Variants in FOXM1 observed in about 807,000 individuals in gnomAD.
The protein encoded by FOXM1 is forkhead box protein M1.
Under a neutral mutation model 63.6 loss-of-function variants are expected in FOXM1, and 25 were observed. The observed-to-expected ratio is 0.39, with a 90% CI of 0.29 to 0.55. The LOEUF (loss-of-function observed/expected upper bound fraction) is 0.55. Among genes scored for constraint, FOXM1 ranks in the 20% least tolerant of loss-of-function variants. The pLI is 0.60. For missense variants in FOXM1, 879 were observed against 958.7 expected (o/e 0.92, Z 1.10); for synonymous variants, 387 against 376.9 (o/e 1.03, Z -0.31).
At chr12:2,868,165 T>C (rs1193620118) in intron 4 of FOXM1, 1 of 155,876 alleles carries the variant, frequency 6.4e-6, no homozygotes, top group Non-Finnish European at 1.4e-5. Context: ...CCCTGCCCAC[T>C]AGAAATGCTA....
intron 3 of FOXM1, among the ~76,000 whole-genome samples, chr12:2,868,971 A>C (rs1220249955): frequency 6.6e-6 from 1 of 152,204 alleles, no homozygotes; most frequent in Non-Finnish European, 1.5e-5. Flanking sequence ...TGGTTTTGTC[A>C]TCCATCATTT....
At chr12:2,867,979 CAAAAAAAA>C (rs60064456) in intron 4 of FOXM1, among the ~76,000 whole-genome samples, 1 of 68,326 alleles carries the variant, frequency 1.5e-5, no homozygotes, top group Non-Finnish European at 2.9e-5. Context: ...GACTCTGTCT[CAAAAAAAA>C]AAAAAAAAAA....
Position 2,858,855 on chromosome 12 carries a change from G to A in FOXM1, c.2075C>T (p.Ser692Phe), listed in dbSNP as rs1401357208. 1.2e-6 allele frequency: 2 copies of A among 1,614,182 alleles called. No individual in the cohort carries two copies. Among genetic ancestry groups the A allele is most frequent in the South Asian group, 2.2e-5 (2 of 91,082 alleles). Residue 692 changes from serine (S) to phenylalanine (F), a missense_variant, in exon 9 of 9, where the codon TCT becomes TTT. This residue lies in a region of FOXM1 where 486 missense variants were observed against 453.5 expected (regional missense o/e 1.07). Coordinates refer to ENST00000359843, the MANE Select transcript of FOXM1 (RefSeq NM_021953.4). Reference protein sequence around the residue: ...LDLISVPFGNSSPSDIDVPKP... With the variant: ...LDLISVPFGNFSPSDIDVPKP... Reference sequence around the variant, plus strand: ...GGGGACGTCTATATCTGAGGGAGAAGAGTTGCCAAAGGGGACGGAGATGAG... The same window carrying A: ...GGGGACGTCTATATCTGAGGGAGAAAAGTTGCCAAAGGGGACGGAGATGAG...
intron 4 of FOXM1, among the ~76,000 whole-genome samples, chr12:2,867,513 T>A (rs1471073458): frequency 1.3e-5 from 2 of 151,960 alleles, no homozygotes; most frequent in Non-Finnish European, 1.5e-5. Context: ...CTACCATGAA[T>A]TAGCCAGGCG....
chr12:2,860,380 G>A (rs2098108749), intron 8 of FOXM1, among the ~76,000 whole-genome samples: 1 of 151,928 alleles, frequency 6.6e-6, no homozygotes, highest in African/African-American at 2.4e-5. Context: ...AGCTACAGGT[G>A]GGAGGCTGAG....
Position 2,858,319 on chromosome 12 carries a change from A to G in FOXM1, c.*319T>C. ...TACTATTTACACGGACCACCCTGCAAAGATCAGGGAAGGTAAGAGACTGCT... is the reference window on the plus strand; with the variant it reads ...TACTATTTACACGGACCACCCTGCAGAGATCAGGGAAGGTAAGAGACTGCT... On this transcript the variant is annotated 3_prime_UTR_variant, in exon 9 of 9. Transcript: ENST00000359843. 3 of 329,266 alleles carry G rather than the reference A, an allele frequency of 9.1e-6. No homozygotes were observed. The South Asian group carries it at 2.1e-4, about 23-fold the overall frequency. 20.4% of individuals were successfully genotyped at this position (329,266 alleles called of 1,614,324 possible). A position where few individuals can be genotyped will look rare whatever the true frequency, so the allele number is the denominator to read the frequency against.
rs757604635 is a variant in FOXM1, at chr12:2,865,414, G to C, written c.976-15C>G. The stretch of plus-strand genomic sequence containing the variant: ...GGGTCCAGTGGCTGGTGGCGGCCAG[G>C]CATTGTGGGAGAGAAATGAGATGAA... On this transcript the variant is annotated splice_polypyrimidine_tract_variant and intron_variant, in intron 5 of 8. Coordinates refer to ENST00000359843, the MANE Select transcript of FOXM1 (RefSeq NM_021953.4). The C allele has an allele frequency of 6.2e-7, 1 of 1,607,850 alleles. No individual in the cohort carries two copies. The highest frequency in any genetic ancestry group is 1.1e-5 in the South Asian group (1 of 90,376).
At position 2,864,778 on chromosome 12, in the gene FOXM1, A is replaced by G. The variant is rs1029952651; in HGVS notation, c.1021-26T>C. The G allele has an allele frequency of 4.3e-6, 7 of 1,613,160 alleles. No individual in the cohort carries two copies. The African/African-American group carries it at 8.0e-5, about 18-fold the overall frequency. On this transcript the variant is annotated intron_variant, in intron 6 of 8. Coordinates refer to ENST00000359843, the MANE Select transcript of FOXM1 (RefSeq NM_021953.4). This position sits in a 1 kb window ranked among gnomAD's most constrained non-coding sequence, Gnocchi z 5.1. ...CTGCTTGTGGCAGATGGGGAGAGAA[A>G]GAAACCTATGTTAACACAATAAGGT... is the stretch of plus-strand genomic sequence containing the variant.
chr12:2,867,996 AAAAG>A (rs1183853955), intron 4 of FOXM1, among the ~76,000 whole-genome samples: 2 of 151,670 alleles, frequency 1.3e-5, no homozygotes, highest in African/African-American at 2.4e-5. Context: ...AAAAAAAAAA[AAAAG>A]AAAGAGTTCT....
At chr12:2,861,361 C>T (rs764886738) in intron 8 of FOXM1, 17 of 732,334 alleles carry the variant, frequency 2.3e-5, no homozygotes, top group Admixed American at 1.3e-4. Context: ...TCTCGCAGAT[C>T]GCCACTAAAG....
Position 2,864,702 on chromosome 12 carries a change from G to A in FOXM1, c.1071C>T (p.Thr357=), listed in dbSNP as rs755853763. 1.2e-5 allele frequency: 20 copies of A among 1,614,150 alleles called. No homozygotes were observed. Among genetic ancestry groups the A allele is most frequent in the Admixed American group, 6.7e-5 (4 of 60,008 alleles). Residue 357 remains threonine (T), a synonymous_variant, in exon 7 of 9, where the codon ACC becomes ACT. Coordinates refer to ENST00000359843, the MANE Select transcript of FOXM1 (RefSeq NM_021953.4). This position sits in a 1 kb window ranked among gnomAD's most constrained non-coding sequence, Gnocchi z 5.1. ...PELRRNMTIK[T]ELPLGARRKM... ...ACTAACGTGCGCCCAGGGGGAGTTC[G>A]GTTTTGATGGTCATGTTCCGGCGGA...
rs11310343 is a variant in FOXM1 at position 2,870,957 on chromosome 12, CAAAAAAAAAAAA to C, written c.654+1127_654+1138del. Among the ~76,000 whole-genome samples, 13 of 39,126 alleles carry C rather than the reference CAAAAAAAAAAAA, an allele frequency of 3.3e-4. No individual in the cohort carries two copies. In the East Asian group the frequency reaches 4.9e-3, roughly 15 times the overall value. 25.7% of individuals were successfully genotyped at this position (39,126 alleles called of 152,430 possible). A position where few individuals can be genotyped will look rare whatever the true frequency, so the allele number is the denominator to read the frequency against. ...TAGGAGACAGAGAAAGACTACGTCT[CAAAAAAAAAAAA>C]AAAAAAAAAAAAAGCAGGAGCTAAA... On this transcript the variant is annotated intron_variant, in intron 3 of 8. Coordinates refer to ENST00000359843, the MANE Select transcript of FOXM1 (RefSeq NM_021953.4).
rs544378915 is a variant in FOXM1, at chr12:2,861,304, A to C, written c.1267-1641T>G. ...GACAAGGTGCTCAGACTTACTGATA[A>C]ACAAAGAAAGATAAAATTAAACAAG... On this transcript the variant is annotated intron_variant, in intron 8 of 8. Coordinates refer to ENST00000359843, the MANE Select transcript of FOXM1 (RefSeq NM_021953.4). The C allele has an allele frequency of 4.1e-5, 30 of 732,636 alleles. No homozygotes were observed. In the Admixed American group the frequency reaches 6.0e-4, roughly 15 times the overall value. The allele number at this position is 732,636 out of a possible 1,614,324, so 45.4% of individuals were successfully genotyped here. A position where few individuals can be genotyped will look rare whatever the true frequency, so the allele number is the denominator to read the frequency against.
intron 8 of FOXM1, among the ~76,000 whole-genome samples, chr12:2,863,192 C>T (rs371692449): frequency 6.6e-6 from 1 of 152,130 alleles, no homozygotes; most frequent in African/African-American, 2.4e-5. Flanking sequence ...TACTGCTAAA[C>T]ACCCTTCAGT....
chr12:2,873,147 C>G (rs2098135999), intron 2 of FOXM1, among the ~76,000 whole-genome samples: 1 of 151,652 alleles, frequency 6.6e-6, no homozygotes, highest in Non-Finnish European at 1.5e-5. Flanking sequence ...CCTGTAATCC[C>G]AGCACTTTGG....
rs114945051 is a variant in FOXM1, at chr12:2,858,473, G to T, written c.*165C>A. On this transcript the variant is annotated 3_prime_UTR_variant, in exon 9 of 9. Transcript: ENST00000359843. ...TACTCTTGGGGAACACAAGGTCCCAGCAGTGGCTAGGGTGTGACTGCTACT... is the reference window on the plus strand; with the variant it reads ...TACTCTTGGGGAACACAAGGTCCCATCAGTGGCTAGGGTGTGACTGCTACT... The T allele has an allele frequency of 1.5e-4, 91 of 609,312 alleles. No individual in the cohort carries two copies. The African/African-American group carries it at 1.7e-3, about 11-fold the overall frequency. The allele number at this position is 609,312 out of a possible 1,614,324, so 37.7% of individuals were successfully genotyped here.
rs545815918 is a variant in FOXM1, at chr12:2,864,163, C to G, written c.1266+157G>C. On this transcript the variant is annotated intron_variant, in intron 8 of 8. Transcript: ENST00000359843. This position sits in a 1 kb window ranked among gnomAD's most constrained non-coding sequence, Gnocchi z 5.1. ...TTGTAATCCAAATACCTTTTTAGCTCTTCTAATGCTATTACACTTCCCTAT... is the reference window on the plus strand; with the variant it reads ...TTGTAATCCAAATACCTTTTTAGCTGTTCTAATGCTATTACACTTCCCTAT... 1 of 688,690 alleles carries G rather than the reference C, an allele frequency of 1.5e-6. No homozygotes were observed. The highest frequency in any genetic ancestry group is 2.4e-5 in the Admixed American group (1 of 42,418). The allele number at this position is 688,690 out of a possible 1,614,324, so 42.7% of individuals were successfully genotyped here. A position where few individuals can be genotyped will look rare whatever the true frequency, so the allele number is the denominator to read the frequency against.
At position 2,858,703 on chromosome 12, in the gene FOXM1, G is replaced by A. The variant is rs538863688; in HGVS notation, c.2227C>T (p.Leu743=). Residue 743 remains leucine, a synonymous_variant, in exon 9 of 9, where the codon CTG becomes TTG. Coordinates refer to ENST00000359843, the MANE Select transcript of FOXM1 (RefSeq NM_021953.4). ...KILLDISFPG[L]DEDPLGPDNI... is the part of the protein sequence containing the mutation. ...TCAGGGCCCAGTGGGTCCTCGTCCA[G>A]GCCAGGAAAGCTGATGTCCAGCAGG... The A allele has an allele frequency of 3.4e-5, 55 of 1,614,188 alleles. No homozygotes were observed. The South Asian group carries it at 5.2e-4, about 15-fold the overall frequency.
intron 8 of FOXM1, among the ~76,000 whole-genome samples, chr12:2,862,197 A>G (rs1008330563): frequency 4.3e-4 from 65 of 152,034 alleles, no homozygotes; most frequent in East Asian, 4.3e-3. Flanking sequence ...AAAAAAAAAA[A>G]AGAGACATGT....
Sources: allele counts gnomAD v4.1 joint callset (sites outside exome capture counted in the v4.1 genomes callset), GRCh38; gene constraint gnomAD v4.1.1; regional missense constraint gnomAD v4.1.1; non-coding constraint Gnocchi (gnomAD v3.1); transcripts MANE v1.5; gene names NCBI Gene and HGNC (gene_info 2026-07-23, HGNC 2026-07-21).